The following VRK2 variants were observed in gnomAD, a reference collection of about 807,000 sequenced individuals.
VRK2 encodes the protein VRK serine/threonine kinase 2.
Under a neutral mutation model 57.6 loss-of-function variants are expected in VRK2, and 60 were observed. That is an observed-to-expected ratio of 1.04 (90% CI 0.85 to 1.29). VRK2 has a LOEUF of 1.29. VRK2 is among the 50% of genes most tolerant of loss of function. The probability of loss-of-function intolerance (pLI) is 0.00; values close to 1 mark genes in which losing one functional copy is unlikely to be tolerated. For missense variants in VRK2, 705 were observed against 588.1 expected (o/e 1.20, Z -2.06); for synonymous variants, 231 against 199.2 (o/e 1.16, Z -1.35).
At chr2:58,088,575 T>C in intron 6 of VRK2, 129 bp downstream of exon 6, 1 of 752,408 alleles carries the variant, frequency 1.3e-6, no homozygotes, top group South Asian at 1.6e-5. Context: ...TTATTAGGAG[T>C]AGAGGCTATT....
chr2:57,914,218 C>T (rs1407565121), intron 1 of VRK2, among the ~76,000 whole-genome samples: 1 of 150,548 alleles, frequency 6.6e-6, no homozygotes, highest in Non-Finnish European at 1.5e-5. Flanking sequence ...GCCAAGATCC[C>T]AATGTTTACT....
Position 58,131,837 on chromosome 2 carries a change from CT to C in VRK2, c.707del (p.Leu236ProfsTer19). On this transcript the variant is annotated frameshift_variant, in exon 9 of 13. Coordinates refer to ENST00000340157, the MANE Select transcript of VRK2 (RefSeq NM_006296.7). LOFTEE classifies it high-confidence loss of function. ...ALSRRSDVEI[L>X]GYCMLRWLCG... ...GTCCAGACGAAGTGACGTTGAGATC[CT>C]CGGCTACTGCATGCTGCGGTGGTTG... 1 of 1,613,586 alleles carries C rather than the reference CT, an allele frequency of 6.2e-7. No homozygotes were observed. Among genetic ancestry groups the C allele is most frequent in the Non-Finnish European group, 8.5e-7 (1 of 1,179,824 alleles).
At position 58,123,225 on chromosome 2, in the gene VRK2, A is replaced by T. The variant is rs1301627824; in HGVS notation, c.668A>T (p.Lys223Met). 6.3e-7 allele frequency: 1 copy of T among 1,584,168 alleles called. No homozygotes were observed. Among genetic ancestry groups the T allele is most frequent in the South Asian group, 1.2e-5 (1 of 84,828 alleles). The change falls in exon 8 of 13, where the codon AAG (lysine) becomes ATG (methionine). Residue 223 changes from lysine to methionine, a missense_variant. Lys to Met is a moderately conservative substitution (Grantham distance 95). Coordinates refer to ENST00000340157, the MANE Select transcript of VRK2 (RefSeq NM_006296.7). Reference protein sequence around the residue: ...TIEFTSLDAHKGVALSRRSDV... With the variant: ...TIEFTSLDAHMGVALSRRSDV... ...GAGTTTACCAGCTTGGATGCCCACAAGGGAGTAGGTGGGTTTCTTTTTTCT... is the reference window on the plus strand; with the variant it reads ...GAGTTTACCAGCTTGGATGCCCACATGGGAGTAGGTGGGTTTCTTTTTTCT...
chr2:57,988,284 T>C (rs561200866), intron 1 of VRK2, among the ~76,000 whole-genome samples: 6 of 152,348 alleles, frequency 3.9e-5, no homozygotes, highest in Admixed American at 2.0e-4. Flanking sequence ...TCACATAGTT[T>C]TATGATTTCT....
chr2:57,965,227 C>T (rs1335136434), intron 1 of VRK2, among the ~76,000 whole-genome samples: 3 of 152,096 alleles, frequency 2.0e-5, no homozygotes, highest in Non-Finnish European at 4.4e-5. Flanking sequence ...TCTTAAAAAG[C>T]CGGAAGACCT....
At chr2:58,031,380 A>C (rs947017982) in intron 2 of VRK2, among the ~76,000 whole-genome samples, 1 of 152,014 alleles carries the variant, frequency 6.6e-6, no homozygotes, top group Admixed American at 6.6e-5. Flanking sequence ...ATAGTATAGG[A>C]TGTCCTGAGC....
In VRK2 at chr2:57,993,724, T is replaced by A. The variant is rs1019059052; in HGVS notation, c.-438-31941T>A. On this transcript the variant is annotated intron_variant, in intron 1 of 15. Transcript: ENST00000417641. ...CTCTGACATGAATTGAACCTCTCTC[T>A]GGGGATGCTTCTCTTTAGGGGGCTG... 7.2e-5 allele frequency among the ~76,000 whole-genome samples: 11 copies of A among 152,202 alleles called. No individual in the cohort carries two copies. The East Asian group carries it at 2.1e-3, about 29-fold the overall frequency.
intron 12 of VRK2, among the ~76,000 whole-genome samples, chr2:58,150,556 T>A (rs1467884259): frequency 7.6e-6 from 1 of 130,784 alleles, no homozygotes; most frequent in Non-Finnish European, 1.5e-5. Flanking sequence ...TGGTTTTTTT[T>A]TTTTAGTTTT....
intron 1 of VRK2, among the ~76,000 whole-genome samples, chr2:57,954,804 C>T (rs919844216): frequency 2.6e-5 from 4 of 151,910 alleles, no homozygotes; most frequent in Admixed American, 6.6e-5. Flanking sequence ...CATCACTACT[C>T]GGGAAGAAAA....
chr2:57,996,725 C>T (rs1032100873), intron 1 of VRK2, among the ~76,000 whole-genome samples: 1 of 151,936 alleles, frequency 6.6e-6, no homozygotes, highest in Admixed American at 6.5e-5. Flanking sequence ...TATATTTTTT[C>T]CAATATTTTT....
intron 11 of VRK2, among the ~76,000 whole-genome samples, chr2:58,145,746 G>T (rs1263751583): frequency 6.6e-6 from 1 of 151,782 alleles, no homozygotes; most frequent in Non-Finnish European, 1.5e-5. Flanking sequence ...TTTACATTAG[G>T]TATTTCTCCT....
intron 11 of VRK2, among the ~76,000 whole-genome samples, chr2:58,145,536 G>A (rs184484028): frequency 1.9e-4 from 29 of 152,052 alleles, no homozygotes; most frequent in African/African-American, 6.3e-4. Flanking sequence ...TTTAAAATGT[G>A]ACAATTTTCT....
At position 57,967,277 on chromosome 2, in the gene VRK2, G is replaced by A. The variant is rs1337402462; in HGVS notation, c.-438-58388G>A. Among the ~76,000 whole-genome samples the A allele has an allele frequency of 3.3e-5, 5 of 152,150 alleles. No individual in the cohort carries two copies. In the East Asian group the frequency reaches 9.7e-4, roughly 29 times the overall value. On this transcript the variant is annotated intron_variant, in intron 1 of 15. Coordinates refer to the VRK2 transcript ENST00000417641. The stretch of plus-strand genomic sequence containing the variant: ...ATTAGGAGAAATACCTAATGTAGAT[G>A]ACGGGTTGATGGGTGCAGCAAACCA...
At chr2:58,158,717 G>A (rs78737747) in intron 12 of VRK2, among the ~76,000 whole-genome samples, 1,794 of 152,232 alleles carry the variant, frequency 0.012, 35 homozygotes, top group African/African-American at 0.041. Flanking sequence ...CAGGAATGAT[G>A]AAAACATAGA....
rs546057133 is a variant in VRK2, at chr2:58,058,599, T to C, written c.136+9632T>C. The stretch of plus-strand genomic sequence containing the variant: ...AGTAAAAAAGAATGAAAGAAGAGTC[T>C]GGTAAAGAGTAGTAGATGTGTCAGA... On this transcript the variant is annotated intron_variant, in intron 2 of 12. Transcript: ENST00000340157. 7.0e-4 allele frequency: 193 copies of C among 274,642 alleles called. 1 individual carries two copies. Among genetic ancestry groups the C allele is most frequent in the African/African-American group, 4.1e-3 (185 of 44,654 alleles). 17.0% of individuals were successfully genotyped at this position (274,642 alleles called of 1,614,324 possible).
Position 58,048,812 on chromosome 2 carries a change from C to G in VRK2, c.-5-15C>G. ...TTTTCTTTTTACCCATTTATCTCACCCCTTCTGCCAACAGAAGTGATGCCA... is the reference window on the plus strand; with the variant it reads ...TTTTCTTTTTACCCATTTATCTCACGCCTTCTGCCAACAGAAGTGATGCCA... On this transcript the variant is annotated splice_polypyrimidine_tract_variant and intron_variant, in intron 1 of 12. Transcript: ENST00000340157. The G allele has an allele frequency of 6.2e-7, 1 of 1,611,484 alleles. No homozygotes were observed. The highest frequency in any genetic ancestry group is 8.5e-7 in the Non-Finnish European group (1 of 1,178,810).
At chr2:58,099,078 C>T (rs1160691861) in intron 7 of VRK2, among the ~76,000 whole-genome samples, 1 of 151,828 alleles carries the variant, frequency 6.6e-6, no homozygotes, top group African/African-American at 2.4e-5. Context: ...ACAAATGTAT[C>T]CTTCTGGTTT....
intron 1 of VRK2, among the ~76,000 whole-genome samples, chr2:58,048,063 C>G (rs1198544222): frequency 2.0e-5 from 3 of 152,152 alleles, no homozygotes; most frequent in African/African-American, 7.2e-5. Flanking sequence ...TCTTTTAACT[C>G]AGAATTTCCC....
intron 1 of VRK2, among the ~76,000 whole-genome samples, chr2:58,015,555 G>A (rs1290560630): frequency 6.6e-6 from 1 of 152,128 alleles, no homozygotes; most frequent in Non-Finnish European, 1.5e-5. Context: ...AGCAAGAAAT[G>A]TCATAATCTT....
Sources: gnomAD v4.1 joint callset for allele counts (sites outside exome capture counted in the v4.1 genomes callset) on GRCh38, gnomAD v4.1.1 for gene constraint, MANE v1.5 for transcripts, NCBI Gene and HGNC (gene_info 2026-07-23, HGNC 2026-07-21) for gene names.